TRIM10: variants seen among roughly 807,000 people sequenced by gnomAD.
TRIM10 encodes the protein tripartite motif containing 10, also known as tripartite motif-containing protein 10.
Under a neutral mutation model 40.0 loss-of-function variants are expected in TRIM10, and 42 were observed. The ratio of observed to expected loss-of-function variants is 1.05; its 90% CI spans 0.82 to 1.36. The LOEUF is 1.36. Ranked by LOEUF, TRIM10 falls within the 40% of genes most tolerant of loss-of-function variation. The pLI is 0.00. For synonymous variants in TRIM10, 260 were observed against 239.5 expected (o/e 1.09, Z -0.79); for missense variants, 601 against 608.3 (o/e 0.99, Z 0.13).
chr6:30,161,867 G>A (rs1395074061), upstream of TRIM10, among the ~76,000 whole-genome samples: 2 of 152,174 alleles, frequency 1.3e-5, no homozygotes, highest in Non-Finnish European at 2.9e-5. Flanking sequence ...TAATTTTAAT[G>A]ATGTTATTTT....
At chr6:30,163,966 C>G (rs143039782), upstream of TRIM10, 1 of 1,612,988 alleles carries the variant, frequency 6.2e-7, no homozygotes, top group Non-Finnish European at 8.5e-7. Flanking sequence ...ACTTCTTCTG[C>G]GAGAACGATG....
rs2127435321 is a variant in TRIM10 at position 30,153,818 on chromosome 6, T to C, written c.*151A>G. 6.2e-7 allele frequency: 1 copy of C among 1,612,190 alleles called. No homozygotes were observed. Among genetic ancestry groups the C allele is most frequent in the Non-Finnish European group, 8.5e-7 (1 of 1,179,340 alleles). On this transcript the variant is annotated 3_prime_UTR_variant, in exon 7 of 7. Coordinates refer to ENST00000449742, the MANE Select transcript of TRIM10 (RefSeq NM_006778.4). ...TGATCAGTAGATTGAGAGTCCTCTCTTCTATCCCTTACCACCCGGCCCCAT... is the reference window on the plus strand; with the variant it reads ...TGATCAGTAGATTGAGAGTCCTCTCCTCTATCCCTTACCACCCGGCCCCAT...
At chr6:30,155,800 A>T in intron 5 of TRIM10, 41 bp from the exon 6 acceptor site, 1 of 1,597,664 alleles carries the variant, frequency 6.3e-7, no homozygotes, top group Non-Finnish European at 8.5e-7. Flanking sequence ...TATTAGTCTT[A>T]CAAAACCATC....
intron 6 of TRIM10, 46 bp downstream of exon 6, chr6:30,155,681 T>G: frequency 6.2e-7 from 1 of 1,605,268 alleles, no homozygotes; most frequent in Non-Finnish European, 8.5e-7. Flanking sequence ...TTTCTCTCCT[T>G]TCCGAGGACT....
intron 6 of TRIM10, chr6:30,154,839 G>A (rs1581564762): frequency 1.7e-6 from 1 of 576,976 alleles, no homozygotes; most frequent in East Asian, 3.8e-5. Flanking sequence ...ATCTCCTGGG[G>A]CTGATATACC....
At chr6:30,162,985 C>G (rs1773253329), upstream of TRIM10, among the ~76,000 whole-genome samples, 2 of 148,974 alleles carry the variant, frequency 1.3e-5, no homozygotes, top group Admixed American at 6.7e-5. Flanking sequence ...TAAAATAGTC[C>G]AGTGTTACCC....
chr6:30,160,966 G>A lies in TRIM10; in HGVS notation c.-108C>T, dbSNP rs752275885. The A allele has an allele frequency of 2.2e-4, 240 of 1,104,640 alleles. No individual in the cohort carries two copies. The highest frequency in any genetic ancestry group is 2.9e-4 in the Non-Finnish European group (232 of 793,186). The allele number at this position is 1,104,640 out of a possible 1,614,324, so 68.4% of individuals were successfully genotyped here. Reference sequence around the variant, plus strand: ...CCACACATGCACATGGCTGGACACAGGCACATACTAAATATGCACCAGCAC... The same window carrying A: ...CCACACATGCACATGGCTGGACACAAGCACATACTAAATATGCACCAGCAC... On this transcript the variant is annotated 5_prime_UTR_variant, in exon 1 of 7. Coordinates refer to ENST00000449742, the MANE Select transcript of TRIM10 (RefSeq NM_006778.4).
chr6:30,153,827 T>G lies in TRIM10; in HGVS notation c.*142A>C. 1 of 1,611,118 alleles carries G rather than the reference T, an allele frequency of 6.2e-7. No homozygotes were observed. On this transcript the variant is annotated 3_prime_UTR_variant, in exon 7 of 7. Coordinates refer to ENST00000449742, the MANE Select transcript of TRIM10 (RefSeq NM_006778.4). ...GATTGAGAGTCCTCTCTTCTATCCC[T>G]TACCACCCGGCCCCATCCCATCTTC...
upstream of TRIM10, chr6:30,164,006 G>T (rs1180250593): frequency 6.2e-7 from 1 of 1,613,138 alleles, no homozygotes; most frequent in South Asian, 1.1e-5. Context: ...CTGCAGGGAG[G>T]GTCCCACGCA....
Position 30,158,290 on chromosome 6 carries a change from C to T in TRIM10, c.756+109G>A, listed in dbSNP as rs1772746471. 22 of 929,876 alleles carry T rather than the reference C, an allele frequency of 2.4e-5. No homozygotes were observed. The South Asian group carries it at 2.6e-4, about 11-fold the overall frequency. 57.6% of individuals were successfully genotyped at this position (929,876 alleles called of 1,614,324 possible). A position where few individuals can be genotyped will look rare whatever the true frequency, so the allele number is the denominator to read the frequency against. On this transcript the variant is annotated intron_variant, in intron 3 of 6. Coordinates refer to ENST00000449742, the MANE Select transcript of TRIM10 (RefSeq NM_006778.4). ...CTTTCTGGTCCTCTGACCCACCTCC[C>T]ATCTGGGATACAGAGATGTGTGAGT...
chr6:30,160,914 G>T lies in TRIM10; in HGVS notation c.-56C>A. On this transcript the variant is annotated 5_prime_UTR_variant, in exon 1 of 7. Transcript: ENST00000449742. The stretch of plus-strand genomic sequence containing the variant: ...CCACTCTCTCTGCTTGGCCACGGGG[G>T]AAGGGCTGGGTCACACACTCACACA... 6.6e-7 allele frequency: 1 copy of T among 1,504,926 alleles called. No individual in the cohort carries two copies. 93.2% of individuals were successfully genotyped at this position (1,504,926 alleles called of 1,614,324 possible).
At chr6:30,163,743 C>G, upstream of TRIM10, 1 of 1,612,866 alleles carries the variant, frequency 6.2e-7, no homozygotes, top group Non-Finnish European at 8.5e-7. Flanking sequence ...ACCCTCTGTG[C>G]GGGGCCGCTG....
At chr6:30,159,051 A>C (rs941820568) in intron 2 of TRIM10, 99 bp downstream of exon 2, 1 of 778,702 alleles carries the variant, frequency 1.3e-6, no homozygotes, top group Non-Finnish European at 2.2e-6. Context: ...ATTTAAACTC[A>C]TAATAACTTC....
upstream of TRIM10, among the ~76,000 whole-genome samples, chr6:30,162,992 A>T (rs1773253873): frequency 6.6e-6 from 1 of 151,858 alleles, no homozygotes; most frequent in Admixed American, 6.6e-5. Context: ...GTCCAGTGTT[A>T]CCCGAACCCC....
At position 30,160,478 on chromosome 6, in the gene TRIM10, G is replaced by A. The variant is rs745992253; in HGVS notation, c.381C>T (p.His127=). The A allele has an allele frequency of 2.7e-5, 44 of 1,613,998 alleles. No homozygotes were observed. Among genetic ancestry groups the A allele is most frequent in the South Asian group, 4.4e-5 (4 of 91,092 alleles). The change falls in exon 1 of 7, where the codon CAC becomes CAT. Residue 127 remains histidine (H), a synonymous_variant. Coordinates refer to ENST00000449742, the MANE Select transcript of TRIM10 (RefSeq NM_006778.4). ...CCAGGAAGCGCATGGTGTGGGTAGC[G>A]TGCTCCCCAGCCTCCCGGCACACCA... ...LCVVCREAGE[H]ATHTMRFLED...
At chr6:30,162,931 AAAATAAAT>A (rs9278598), upstream of TRIM10, among the ~76,000 whole-genome samples, 27,126 of 143,692 alleles carry the variant, frequency 0.19, 2,971 homozygotes, top group Middle Eastern at 0.31. Flanking sequence ...CGCTACAGTA[AAAATAAAT>A]AAATAAATAA....
chr6:30,157,169 C>A, intron 4 of TRIM10, 115 bp from the exon 5 acceptor site: 1 of 1,204,574 alleles, frequency 8.3e-7, no homozygotes, highest in South Asian at 1.4e-5. Flanking sequence ...GGCAGACGTA[C>A]TTCCTCTAGG....
chr6:30,159,331 GAA>G, intron 1 of TRIM10, 86 bp from the exon 2 acceptor site: 1 of 928,390 alleles, frequency 1.1e-6, no homozygotes, highest in African/African-American at 1.6e-5. Flanking sequence ...CTCCAGGAAT[GAA>G]ATGGCCCCAG....
chr6:30,154,517 A>C, intron 6 of TRIM10, 31 bp from the exon 7 acceptor site: 1 of 1,601,284 alleles, frequency 6.2e-7, no homozygotes, highest in Non-Finnish European at 8.5e-7. Context: ...GACAGATGTC[A>C]GCAGACATGC....
Sources: gnomAD v4.1 joint callset for allele counts (sites outside exome capture counted in the v4.1 genomes callset) on GRCh38, gnomAD v4.1.1 for gene constraint, MANE v1.5 for transcripts, NCBI Gene and HGNC (gene_info 2026-07-23, HGNC 2026-07-21) for gene names.